Variants in HMGA2 observed in about 807,000 individuals in gnomAD.
HMGA2 encodes high mobility group protein HMGI-C.
Under a neutral mutation model 19.1 loss-of-function variants are expected in HMGA2, and 8 were observed. The ratio of observed to expected loss-of-function variants is 0.42; its 90% confidence interval spans 0.25 to 0.76. The LOEUF (loss-of-function observed/expected upper bound fraction) is 0.76, where lower values mean the gene tolerates loss of function less well. Among genes scored for constraint, HMGA2 ranks in the 30% least tolerant of loss-of-function variants. The probability of loss-of-function intolerance (pLI) is 0.28; values close to 1 mark genes in which losing one functional copy is unlikely to be tolerated. For synonymous variants in HMGA2, 60 were observed against 48.8 expected (o/e 1.23, Z -0.96); for missense variants, 109 against 136.3 (o/e 0.80, Z 1.00).
chr12:65,870,301 G>A (rs547131291), intron 3 of HMGA2, among the ~76,000 whole-genome samples: 20 of 152,256 alleles, frequency 1.3e-4, no homozygotes, highest in Admixed American at 2.6e-4. Context: ...AGTGGTTTTC[G>A]AAATATTTTT....
At chr12:65,948,750 T>A (rs1876353768) in intron 3 of HMGA2, among the ~76,000 whole-genome samples, 1 of 152,206 alleles carries the variant, frequency 6.6e-6, no homozygotes, top group Admixed American at 6.5e-5. Context: ...TGACACGGAC[T>A]AGGCCGGGAG....
At chr12:65,887,532 C>G (rs1264581089) in intron 3 of HMGA2, among the ~76,000 whole-genome samples, 1 of 151,938 alleles carries the variant, frequency 6.6e-6, no homozygotes, top group Non-Finnish European at 1.5e-5. Flanking sequence ...ACCAGCCTGG[C>G]CAACACAGTG....
chr12:65,961,796 C>T (rs887778800), intron 4 of HMGA2, among the ~76,000 whole-genome samples: 3 of 151,846 alleles, frequency 2.0e-5, no homozygotes, highest in Non-Finnish European at 2.9e-5. Flanking sequence ...TGTGTGAGTG[C>T]CCATTCTTGT....
intron 3 of HMGA2, among the ~76,000 whole-genome samples, chr12:65,945,807 A>G (rs1876245251): frequency 6.6e-6 from 1 of 152,212 alleles, no homozygotes; most frequent in Non-Finnish European, 1.5e-5. Context: ...TCTAGAAATC[A>G]GTGAAGTGAT....
rs970836276 is a variant in HMGA2, at chr12:65,965,714, C to T, written c.*2422C>T. 2 of 223,128 alleles carry T rather than the reference C, an allele frequency of 9.0e-6. No individual in the cohort carries two copies. The highest frequency in any genetic ancestry group is 1.8e-5 in the Non-Finnish European group (2 of 111,512). 13.8% of individuals were successfully genotyped at this position (223,128 alleles called of 1,614,324 possible). On this transcript the variant is annotated 3_prime_UTR_variant, in exon 5 of 5. Transcript: ENST00000403681. ...CATTGGCCAGCTCATAAAATGGAAG[C>T]AATTGCTCATGTTGGCCAAACATGG...
intron 3 of HMGA2, among the ~76,000 whole-genome samples, chr12:65,908,284 C>T (rs763638064): frequency 2.6e-5 from 4 of 152,050 alleles, no homozygotes; most frequent in Non-Finnish European, 4.4e-5. Flanking sequence ...GGAACAGGTA[C>T]GGGGAACTGT....
chr12:65,875,570 T>C (rs181079082), intron 3 of HMGA2, among the ~76,000 whole-genome samples: 11 of 140,940 alleles, frequency 7.8e-5, no homozygotes, highest in African/African-American at 2.8e-4. Flanking sequence ...ATTGCGGGCA[T>C]ATGCCACCGT....
In HMGA2 at chr12:65,866,146, T is replaced by C. The variant is rs550393573; in HGVS notation, c.249+27577T>C. Among the ~76,000 whole-genome samples, 3 of 152,320 alleles carry C rather than the reference T, an allele frequency of 2.0e-5. No individual in the cohort carries two copies. In the South Asian group the frequency reaches 6.2e-4, roughly 32 times the overall value. ...TGAGACTGACTCCTAAGGAAACATC[T>C]GTTCACTCACTCAGCAAACATTTAG... On this transcript the variant is annotated intron_variant, in intron 3 of 4. Coordinates refer to ENST00000403681, the MANE Select transcript of HMGA2 (RefSeq NM_003483.6).
At chr12:65,834,074 G>A (rs1870595009) in intron 2 of HMGA2, among the ~76,000 whole-genome samples, 1 of 152,080 alleles carries the variant, frequency 6.6e-6, no homozygotes, top group South Asian at 2.1e-4. Flanking sequence ...ATGTAAACAG[G>A]ACATATCTGA....
intron 3 of HMGA2, among the ~76,000 whole-genome samples, chr12:65,846,740 C>G (rs1193614584): frequency 6.6e-6 from 1 of 152,148 alleles, no homozygotes; most frequent in Non-Finnish European, 1.5e-5. Flanking sequence ...TCCCATTTGT[C>G]TAAACATTTT....
intron 3 of HMGA2, among the ~76,000 whole-genome samples, chr12:65,870,496 C>T (rs984858931): frequency 2.6e-5 from 4 of 151,858 alleles, no homozygotes; most frequent in Admixed American, 6.6e-5. Context: ...TTTGGGAGGC[C>T]GAGGCAGGCA....
intron 3 of HMGA2, among the ~76,000 whole-genome samples, chr12:65,911,631 C>T (rs1006469356): frequency 3.9e-5 from 6 of 152,118 alleles, no homozygotes; most frequent in Non-Finnish European, 7.4e-5. Flanking sequence ...ACGGCTTATT[C>T]CAAAAGCCAA....
In HMGA2 at chr12:65,882,074, A is replaced by G. The variant is rs187029810; in HGVS notation, c.249+43505A>G. ...CACCAAAGCTGTCCACCTTGTCCGG[A>G]GGGGAATGAGCGTGGAAACCCCTGG... On this transcript the variant is annotated intron_variant, in intron 3 of 4. Coordinates refer to ENST00000403681, the MANE Select transcript of HMGA2 (RefSeq NM_003483.6). The G allele has an allele frequency of 2.5e-5, 14 of 569,304 alleles. No individual in the cohort carries two copies. The East Asian group carries it at 4.5e-4, about 18-fold the overall frequency. The allele number at this position is 569,304 out of a possible 1,614,324, so 35.3% of individuals were successfully genotyped here.
At chr12:65,831,254 A>C (rs1041993927) in intron 2 of HMGA2, among the ~76,000 whole-genome samples, 16 of 151,932 alleles carry the variant, frequency 1.1e-4, no homozygotes, top group South Asian at 8.3e-4. Flanking sequence ...TTAGAGAGAA[A>C]GAAGTTATAA....
At chr12:65,914,444 G>C (rs1013623332) in intron 3 of HMGA2, among the ~76,000 whole-genome samples, 5 of 139,298 alleles carry the variant, frequency 3.6e-5, no homozygotes, top group African/African-American at 1.3e-4. Flanking sequence ...ATTGAACAAT[G>C]AGATCACATG....
At chr12:65,895,195 A>G (rs1023072789) in intron 3 of HMGA2, among the ~76,000 whole-genome samples, 5 of 152,312 alleles carry the variant, frequency 3.3e-5, no homozygotes, top group East Asian at 1.9e-4. Context: ...CTAGAATTAC[A>G]TGATTATTGC....
intron 3 of HMGA2, among the ~76,000 whole-genome samples, chr12:65,951,115 G>C (rs1486263107): frequency 6.6e-6 from 1 of 152,084 alleles, no homozygotes; most frequent in African/African-American, 2.4e-5. Context: ...TGTTTGTAGA[G>C]AGAGGGTTTC....
chr12:65,844,962 A>T (rs1871172665), intron 3 of HMGA2, among the ~76,000 whole-genome samples: 1 of 152,238 alleles, frequency 6.6e-6, no homozygotes, highest in African/African-American at 2.4e-5. Context: ...TAATTCTAAT[A>T]AAATGACAAA....
At chr12:65,883,955 T>C (rs1873550266) in intron 3 of HMGA2, among the ~76,000 whole-genome samples, 1 of 152,150 alleles carries the variant, frequency 6.6e-6, no homozygotes, top group Non-Finnish European at 1.5e-5. Flanking sequence ...ACCTCCAACC[T>C]CCCAGGTTCA....
Sources: allele counts gnomAD v4.1 joint callset (sites outside exome capture counted in the v4.1 genomes callset), GRCh38; gene constraint gnomAD v4.1.1; transcripts MANE v1.5; gene names NCBI Gene and HGNC (gene_info 2026-07-23, HGNC 2026-07-21).